SVOPL: variants seen among roughly 807,000 people sequenced by gnomAD.
The protein encoded by SVOPL is putative transporter SVOPL.
A neutral mutation model predicts 61.0 loss-of-function variants in SVOPL; 60 were observed. The ratio of observed to expected loss-of-function variants is 0.98; its 90% CI spans 0.80 to 1.22. The LOEUF (loss-of-function observed/expected upper bound fraction) is 1.22, where lower values mean the gene tolerates loss of function less well. SVOPL is among the 50% of genes most tolerant of loss of function. SVOPL has a pLI of 0.00. For missense variants in SVOPL, 662 were observed against 643.9 expected, an observed-to-expected ratio of 1.03 and a Z score of -0.30; for synonymous variants, 279 against 250.0, an observed-to-expected ratio of 1.12 and a Z score of -1.09.
At chr7:138,620,117 C>CTTTTTTTTTTTTTTTTT (rs1563093865) in intron 14 of SVOPL, among the ~76,000 whole-genome samples, 1 of 120,848 alleles carries the variant, frequency 8.3e-6, no homozygotes, top group Admixed American at 9.2e-5. Flanking sequence ...TGTTTTTTTT[C>CTTTTTTTTTTTTTTTTT]TGTTTTGTTT....
intron 6 of SVOPL, among the ~76,000 whole-genome samples, chr7:138,659,438 A>G (rs1801901884): frequency 6.6e-6 from 1 of 151,822 alleles, no homozygotes; most frequent in African/African-American, 2.4e-5. Flanking sequence ...GTTGCAGTGA[A>G]CTGAGATTGT....
intron 9 of SVOPL, among the ~76,000 whole-genome samples, chr7:138,642,690 G>A (rs1230577126): frequency 6.6e-6 from 1 of 151,556 alleles, no homozygotes; most frequent in African/African-American, 2.4e-5. Flanking sequence ...TTAGCCGGGT[G>A]TTGGTGGCTC....
chr7:138,700,349 T>C (rs1025441540), intron 1 of SVOPL, among the ~76,000 whole-genome samples: 1 of 146,748 alleles, frequency 6.8e-6, no homozygotes, highest in African/African-American at 2.5e-5. Flanking sequence ...TTTTTTTTTT[T>C]TTTTTTTGAG....
At chr7:138,643,190 G>A (rs1013049449) in intron 9 of SVOPL, among the ~76,000 whole-genome samples, 3 of 152,104 alleles carry the variant, frequency 2.0e-5, no homozygotes, top group Non-Finnish European at 4.4e-5. Context: ...ACTTTGGGAG[G>A]CCGAGGAGGG....
intron 1 of SVOPL, among the ~76,000 whole-genome samples, chr7:138,682,019 ACTAGCAAAAAT>A (rs1802710743): frequency 6.6e-6 from 1 of 152,198 alleles, no homozygotes; most frequent in Admixed American, 6.6e-5. Context: ...CATTCTGAAA[ACTAGCAAAAAT>A]AGTAAATATC....
intron 1 of SVOPL, among the ~76,000 whole-genome samples, chr7:138,690,001 G>T (rs1584870960): frequency 3.3e-5 from 5 of 152,062 alleles, no homozygotes; most frequent in Non-Finnish European, 7.4e-5. Flanking sequence ...GCAGATATGG[G>T]GGTGATGCAT....
chr7:138,690,337 A>G (rs1195997956), intron 1 of SVOPL, among the ~76,000 whole-genome samples: 2 of 152,098 alleles, frequency 1.3e-5, no homozygotes, highest in Non-Finnish European at 2.9e-5. Flanking sequence ...AGCTCACTGT[A>G]ACTTCCAGAT....
intron 4 of SVOPL, chr7:138,664,358 C>G: frequency 1.9e-6 from 1 of 528,138 alleles, no homozygotes; most frequent in Non-Finnish European, 2.4e-6. Context: ...GGGCGTGCGC[C>G]TAACCCTCCA....
chr7:138,680,968 G>C (rs1240671554), intron 1 of SVOPL, among the ~76,000 whole-genome samples: 2 of 151,864 alleles, frequency 1.3e-5, no homozygotes, highest in Non-Finnish European at 2.9e-5. Context: ...TCTTGCTAAT[G>C]ATATTGTTAG....
rs1415220491 is a variant in SVOPL, at chr7:138,635,310, T to C, written c.790-5188A>G. 2.0e-5 allele frequency among the ~76,000 whole-genome samples: 3 copies of C among 150,898 alleles called. No individual in the cohort carries two copies. In the East Asian group the frequency reaches 5.8e-4, roughly 29 times the overall value. ...AGTTAATATGGTAAATTGCTTGTTATGTATATTTTGCCACAATAAAAAGAC... is the reference window on the plus strand; with the variant it reads ...AGTTAATATGGTAAATTGCTTGTTACGTATATTTTGCCACAATAAAAAGAC... On this transcript the variant is annotated intron_variant, in intron 9 of 15. Transcript: ENST00000674285.
At chr7:138,671,337 C>A (rs1367547302) in intron 4 of SVOPL, among the ~76,000 whole-genome samples, 1 of 152,104 alleles carries the variant, frequency 6.6e-6, no homozygotes. Flanking sequence ...ACTTGATGTG[C>A]AACTCATAAG....
At chr7:138,645,242 G>T (rs1015443404) in intron 8 of SVOPL, among the ~76,000 whole-genome samples, 1 of 152,082 alleles carries the variant, frequency 6.6e-6, no homozygotes, top group Non-Finnish European at 1.5e-5. Flanking sequence ...CAGGAACAGG[G>T]GGCTCCAGCA....
At chr7:138,699,338 G>C (rs991690872) in intron 1 of SVOPL, among the ~76,000 whole-genome samples, 1 of 152,038 alleles carries the variant, frequency 6.6e-6, no homozygotes, top group African/African-American at 2.4e-5. Flanking sequence ...CAAAAATAAA[G>C]TATCTAAAGA....
At chr7:138,611,098 C>T (rs1211709540) in intron 14 of SVOPL, among the ~76,000 whole-genome samples, 1 of 152,196 alleles carries the variant, frequency 6.6e-6, no homozygotes, top group Admixed American at 6.5e-5. Context: ...AAACCTTGGC[C>T]GGGCACAGTG....
intron 1 of SVOPL, among the ~76,000 whole-genome samples, chr7:138,685,511 T>C (rs1044919113): frequency 6.6e-6 from 1 of 152,150 alleles, no homozygotes; most frequent in Admixed American, 6.6e-5. Context: ...GTCCTAAAGA[T>C]CTTCCTACAG....
At chr7:138,622,128 ATC>A (rs1799651874) in intron 13 of SVOPL, among the ~76,000 whole-genome samples, 2 of 137,714 alleles carry the variant, frequency 1.5e-5, no homozygotes, top group African/African-American at 5.1e-5. Context: ...CTATGTATCT[ATC>A]TATCTATGTA....
At chr7:138,620,117 C>CTTTT (rs1563093865) in intron 14 of SVOPL, among the ~76,000 whole-genome samples, 11 of 120,826 alleles carry the variant, frequency 9.1e-5, no homozygotes, top group African/African-American at 3.6e-4. Flanking sequence ...TGTTTTTTTT[C>CTTTT]TGTTTTGTTT....
At chr7:138,647,778 G>A (rs956892201) in intron 8 of SVOPL, among the ~76,000 whole-genome samples, 1 of 151,422 alleles carries the variant, frequency 6.6e-6, no homozygotes, top group Admixed American at 6.6e-5. Context: ...AACATGGGAG[G>A]TGGAGGTTGC....
At chr7:138,628,053 T>G (rs533829270) in intron 11 of SVOPL, 105 bp downstream of exon 11, 173 of 1,327,840 alleles carry the variant, frequency 1.3e-4, no homozygotes, top group Non-Finnish European at 1.8e-4. Flanking sequence ...TATTCAGTTC[T>G]GCTAGGCAGG....
Sources: gnomAD v4.1 joint callset for allele counts (sites outside exome capture counted in the v4.1 genomes callset) on GRCh38, gnomAD v4.1.1 for gene constraint, MANE v1.5 for transcripts, NCBI Gene and HGNC (gene_info 2026-07-23, HGNC 2026-07-21) for gene names.